The following CSMD1 variants were observed in gnomAD, a reference collection of about 807,000 sequenced individuals.
CSMD1 encodes CUB and Sushi multiple domains 1.
CSMD1 carries 213 observed loss-of-function variants against 417.5 expected under a neutral mutation model. The observed-to-expected ratio is 0.51, with a 90% CI of 0.46 to 0.57. The LOEUF (loss-of-function observed/expected upper bound fraction) is 0.57. Among genes scored for constraint, CSMD1 ranks in the 20% least tolerant of loss-of-function variants. CSMD1 has a pLI of 0.00. For missense variants in CSMD1, 6,923 were observed against 4,529.7 expected, an observed-to-expected ratio of 1.53 and a Z score of -15.17; for synonymous variants, 2,862 against 1,736.8, an observed-to-expected ratio of 1.65 and a Z score of -16.11.
Position 4,931,420 on chromosome 8 carries a change from C to T in CSMD1, c.85+62912G>A, listed in dbSNP as rs535602231. On this transcript the variant is annotated intron_variant, in intron 1 of 69. Transcript: ENST00000635120. ...TGACACTGACTCGGGTCTTTGCTGG[C>T]TGGTTACCTTTAGTTGCCAATTTCA... Among the ~76,000 whole-genome samples the T allele has an allele frequency of 4.6e-5, 7 of 152,256 alleles. 1 individual carries two copies. The South Asian group carries it at 1.5e-3, about 32-fold the overall frequency.
chr8:3,946,126 G>A (rs1811208025), intron 5 of CSMD1, among the ~76,000 whole-genome samples: 1 of 152,060 alleles, frequency 6.6e-6, no homozygotes, highest in Admixed American at 6.6e-5. Context: ...CTGATTCCAT[G>A]CACATGATCT....
rs1386806547 is a variant in CSMD1 at position 4,888,561 on chromosome 8, C to A, written c.85+105771G>T. Among the ~76,000 whole-genome samples the A allele has an allele frequency of 5.9e-5, 9 of 151,770 alleles. No homozygotes were observed. In the South Asian group the frequency reaches 6.2e-4, roughly 11 times the overall value. On this transcript the variant is annotated intron_variant, in intron 1 of 69. Transcript: ENST00000635120. ...GTGTGTTTATGTGAGAGTCTATGGA[C>A]CCCTGTACCCTAACTCTATCTGCTA...
intron 3 of CSMD1, among the ~76,000 whole-genome samples, chr8:4,248,256 A>G (rs1802830646): frequency 6.6e-6 from 1 of 152,184 alleles, no homozygotes; most frequent in Non-Finnish European, 1.5e-5. Context: ...GGAACATTCA[A>G]GTCTTAATTT....
chr8:3,343,442 A>G lies in CSMD1; in HGVS notation c.3483T>C (p.Asp1161=), dbSNP rs758922578. The change falls in exon 23 of 70, where the codon GAT becomes GAC. Residue 1161 remains aspartate, a synonymous_variant. Coordinates refer to ENST00000635120, the MANE Select transcript of CSMD1 (RefSeq NM_033225.6). ...LFEGDTLKVY[D]GKDSSSRPLG... is the part of the protein sequence containing the mutation. ...GTGGACGTGAGGAACTGTCTTTTCC[A>G]TCATATACCTGATGAAAATTCACAG... 24 of 1,612,266 alleles carry G rather than the reference A, an allele frequency of 1.5e-5. No homozygotes were observed. Among genetic ancestry groups the G allele is most frequent in the South Asian group, 7.7e-5 (7 of 90,994 alleles).
At chr8:4,626,285 T>C (rs1269486830) in intron 2 of CSMD1, among the ~76,000 whole-genome samples, 1 of 152,068 alleles carries the variant, frequency 6.6e-6, no homozygotes, top group Admixed American at 6.6e-5. Context: ...AAATTGAACA[T>C]ACAGCCTGTT....
intron 3 of CSMD1, among the ~76,000 whole-genome samples, chr8:4,214,206 G>C (rs932868974): frequency 6.6e-6 from 1 of 152,104 alleles, no homozygotes; most frequent in Non-Finnish European, 1.5e-5. Context: ...TCAATAGATG[G>C]AAATTAAATG....
chr8:3,303,845 T>G (rs954767159), intron 25 of CSMD1, among the ~76,000 whole-genome samples: 4 of 152,178 alleles, frequency 2.6e-5, no homozygotes, highest in African/African-American at 9.6e-5. Flanking sequence ...GACTTTTAAT[T>G]AAATTTGGCT....
chr8:3,889,777 G>T (rs961469591), intron 5 of CSMD1, among the ~76,000 whole-genome samples: 1 of 151,886 alleles, frequency 6.6e-6, no homozygotes, highest in Admixed American at 6.6e-5. Context: ...AAGACATAGA[G>T]AATTATATAG....
chr8:4,797,504 C>G (rs1798047190), intron 1 of CSMD1, among the ~76,000 whole-genome samples: 2 of 152,152 alleles, frequency 1.3e-5, no homozygotes, highest in Admixed American at 6.5e-5. Flanking sequence ...TTTGCCAGCA[C>G]TTTTAATGCA....
intron 1 of CSMD1, among the ~76,000 whole-genome samples, chr8:4,810,550 C>T (rs895446898): frequency 3.3e-5 from 5 of 151,968 alleles, no homozygotes; most frequent in South Asian, 2.1e-4. Flanking sequence ...TGCGCACGCG[C>T]GTATGTGTGT....
chr8:3,842,356 A>C (rs1315619128), intron 5 of CSMD1, among the ~76,000 whole-genome samples: 4 of 152,158 alleles, frequency 2.6e-5, no homozygotes, highest in African/African-American at 9.7e-5. Context: ...ACCCATATCA[A>C]TACCACTAAT....
chr8:4,836,742 A>T (rs1401680187), intron 1 of CSMD1, among the ~76,000 whole-genome samples: 2 of 152,030 alleles, frequency 1.3e-5, no homozygotes, highest in African/African-American at 2.4e-5. Context: ...AAACCCCCAG[A>T]TATCAAAGTA....
intron 67 of CSMD1, among the ~76,000 whole-genome samples, chr8:2,949,891 C>T (rs59295903): frequency 0.16 from 24,128 of 151,964 alleles, 1,984 homozygotes; most frequent in African/African-American, 0.21. Context: ...GAACGAGCAG[C>T]GTGGTTATCA....
chr8:4,340,468 T>G (rs1800411026), intron 3 of CSMD1, among the ~76,000 whole-genome samples: 1 of 152,112 alleles, frequency 6.6e-6, no homozygotes, highest in South Asian at 2.1e-4. Context: ...TGGGTCTGTC[T>G]AGGGGTGATG....
intron 3 of CSMD1, among the ~76,000 whole-genome samples, chr8:4,048,657 A>G (rs1269002665): frequency 6.6e-6 from 1 of 152,238 alleles, no homozygotes; most frequent in Admixed American, 6.5e-5. Context: ...TCTGACTTCC[A>G]ACCACAGAGG....
intron 2 of CSMD1, among the ~76,000 whole-genome samples, chr8:4,590,466 G>C (rs1174761036): frequency 6.6e-6 from 1 of 152,026 alleles, no homozygotes; most frequent in East Asian, 1.9e-4. Context: ...GATTGTTCTG[G>C]TATGTAGAAT....
At chr8:3,778,812 T>C (rs1799026951) in intron 5 of CSMD1, among the ~76,000 whole-genome samples, 1 of 152,198 alleles carries the variant, frequency 6.6e-6, no homozygotes, top group African/African-American at 2.4e-5. Flanking sequence ...ACTTTTCTCC[T>C]GACTGCTGTA....
In CSMD1 at chr8:4,806,927, G is replaced by A. The variant is rs146072658; in HGVS notation, c.86-169369C>T. Among the ~76,000 whole-genome samples, 523 of 152,202 alleles carry A rather than the reference G, an allele frequency of 3.4e-3. 3 individuals are homozygous for A. Among genetic ancestry groups the A allele is most frequent in the African/African-American group, 0.012 (493 of 41,520 alleles). On this transcript the variant is annotated intron_variant, in intron 1 of 69. Coordinates refer to ENST00000635120, the MANE Select transcript of CSMD1 (RefSeq NM_033225.6). ...TGAGCAAGTACAGATGCATGCCTGC[G>A]CTCTTAAGCTATTATTTATGTTCAA... is the stretch of plus-strand genomic sequence containing the variant.
chr8:4,574,170 C>CAA (rs35348455), intron 2 of CSMD1, among the ~76,000 whole-genome samples: 10 of 151,488 alleles, frequency 6.6e-5, no homozygotes, highest in East Asian at 2.0e-4. Context: ...CGCTGGGGTC[C>CAA]AAAAAAAACC....
Sources: gnomAD v4.1 joint callset for allele counts (sites outside exome capture counted in the v4.1 genomes callset) on GRCh38, gnomAD v4.1.1 for gene constraint, MANE v1.5 for transcripts, NCBI Gene and HGNC (gene_info 2026-07-23, HGNC 2026-07-21) for gene names.